Variants in BTBD9 observed in about 807,000 individuals in gnomAD.
BTBD9 encodes the protein BTB/POZ domain-containing protein 9.
Under a neutral mutation model 64.3 loss-of-function variants are expected in BTBD9, and 49 were observed. The ratio of observed to expected loss-of-function variants is 0.76; its 90% CI spans 0.61 to 0.97. BTBD9 has a LOEUF of 0.97. Ranked by LOEUF, BTBD9 falls within the 50% of genes least tolerant of loss-of-function variation. BTBD9 has a pLI of 0.00. For missense variants in BTBD9, 598 were observed against 762.1 expected (o/e 0.78, Z 2.53); for synonymous variants, 260 against 274.7 (o/e 0.95, Z 0.53).
At chr6:38,592,503 T>G in intron 4 of BTBD9, 73 bp downstream of exon 4, 2 of 1,528,528 alleles carry the variant, frequency 1.3e-6, no homozygotes, top group East Asian at 2.3e-5. Context: ...GGTTCTGTAG[T>G]AGCTTTGCGG....
intron 6 of BTBD9, among the ~76,000 whole-genome samples, chr6:38,502,522 A>C (rs796685025): frequency 3.3e-5 from 5 of 152,232 alleles, no homozygotes; most frequent in African/African-American, 1.2e-4. Flanking sequence ...CTAAGGGAAG[A>C]GGACTCTGAG....
At chr6:38,247,518 G>T (rs917809026) in intron 9 of BTBD9, among the ~76,000 whole-genome samples, 3 of 152,202 alleles carry the variant, frequency 2.0e-5, no homozygotes, top group Non-Finnish European at 4.4e-5. Flanking sequence ...CTCAGGGAAG[G>T]CACAGGGGAG....
At chr6:38,552,501 C>T (rs1367230379) in intron 6 of BTBD9, among the ~76,000 whole-genome samples, 1 of 152,012 alleles carries the variant, frequency 6.6e-6, no homozygotes, top group East Asian at 1.9e-4. Flanking sequence ...AAAAATGGGC[C>T]GGGCACAGTG....
rs186109937 is a variant in BTBD9, at chr6:38,311,053, T to C, written c.1265-22592A>G. On this transcript the variant is annotated intron_variant, in intron 7 of 10. Coordinates refer to ENST00000481247, the MANE Select transcript of BTBD9 (RefSeq NM_001099272.2). ...CTCGAACTGCTGACCTCAGGTGATC[T>C]GACTGCCTCGGCCTCCCAAAGTGCT... 6.9e-3 allele frequency among the ~76,000 whole-genome samples: 1,057 copies of C among 152,280 alleles called. 11 individuals are homozygous for C. Among genetic ancestry groups the C allele is most frequent in the African/African-American group, 0.025 (1,019 of 41,562 alleles).
intron 6 of BTBD9, among the ~76,000 whole-genome samples, chr6:38,394,837 A>G (rs1324278833): frequency 6.6e-6 from 1 of 152,220 alleles, no homozygotes; most frequent in East Asian, 1.9e-4. Flanking sequence ...GCCACCTTGA[A>G]AAATGAATCT....
chr6:38,570,219 T>C (rs1287055683), intron 6 of BTBD9, among the ~76,000 whole-genome samples: 7 of 152,142 alleles, frequency 4.6e-5, no homozygotes, highest in Non-Finnish European at 1.0e-4. Context: ...CAGCAGGTCC[T>C]CCCCTACAGG....
At chr6:38,566,616 G>A (rs1027312189) in intron 6 of BTBD9, among the ~76,000 whole-genome samples, 42 of 152,146 alleles carry the variant, frequency 2.8e-4, no homozygotes, top group Admixed American at 2.0e-3. Flanking sequence ...GTGTTTAATC[G>A]AAATATTCGT....
At chr6:38,376,169 T>C (rs943741786) in intron 6 of BTBD9, among the ~76,000 whole-genome samples, 14 of 152,232 alleles carry the variant, frequency 9.2e-5, no homozygotes, top group African/African-American at 3.4e-4. Flanking sequence ...AGACAGATGT[T>C]ATACAAAGTA....
Position 38,345,044 on chromosome 6 carries a change from T to C in BTBD9, c.1204A>G (p.Ile402Val). Reference sequence around the variant, plus strand: ...GTAAACATACATTCAAAAGCCACAATGTGAAAAATCTTGTTCACTGTGTTG... The same window carrying C: ...GTAAACATACATTCAAAAGCCACAACGTGAAAAATCTTGTTCACTGTGTTG... ...THNTVNKIFH[I>V]VAFECMFTNK... The change falls in exon 7 of 11, where the codon ATT (isoleucine) becomes GTT (valine). Residue 402 changes from isoleucine to valine, a missense_variant. Transcript: ENST00000481247. The C allele has an allele frequency of 2.5e-6, 4 of 1,609,786 alleles. No individual in the cohort carries two copies. The highest frequency in any genetic ancestry group is 3.4e-6 in the Non-Finnish European group (4 of 1,177,124).
intron 6 of BTBD9, among the ~76,000 whole-genome samples, chr6:38,350,944 G>A (rs1254720022): frequency 1.3e-5 from 2 of 152,196 alleles, no homozygotes; most frequent in African/African-American, 2.4e-5. Context: ...AATGCCTGTG[G>A]TTTTCCCCAG....
At chr6:38,192,655 G>T (rs1762127560) in intron 9 of BTBD9, 58 bp from the exon 10 acceptor site, 3 of 1,482,804 alleles carry the variant, frequency 2.0e-6, no homozygotes, top group Admixed American at 3.4e-5. Context: ...CTCTGGTAGT[G>T]TGGCCGATGG....
chr6:38,232,754 C>T (rs1763653864), intron 9 of BTBD9, among the ~76,000 whole-genome samples: 1 of 151,992 alleles, frequency 6.6e-6, no homozygotes, highest in Admixed American at 6.6e-5. Flanking sequence ...CCACCTCAGC[C>T]TCCCAAGTAG....
In BTBD9 at chr6:38,170,677, G is replaced by A. The variant is rs946066769; in HGVS notation, c.*4308C>T. Reference sequence around the variant, plus strand: ...TCTGGAAACTCTGAGCAAACACCAGGCACTAGGACAACTTCTAATTTAATA... The same window carrying A: ...TCTGGAAACTCTGAGCAAACACCAGACACTAGGACAACTTCTAATTTAATA... On this transcript the variant is annotated 3_prime_UTR_variant, in exon 11 of 11. Transcript: ENST00000481247. The A allele has an allele frequency of 6.6e-6, 1 of 152,198 alleles. No individual in the cohort carries two copies. Among genetic ancestry groups the A allele is most frequent in the Non-Finnish European group, 1.5e-5 (1 of 68,040 alleles). 9.4% of individuals were successfully genotyped at this position (152,198 alleles called of 1,614,324 possible).
chr6:38,210,547 T>C (rs1762798494), intron 9 of BTBD9, among the ~76,000 whole-genome samples: 2 of 114,192 alleles, frequency 1.8e-5, no homozygotes, highest in Non-Finnish European at 3.8e-5. Context: ...TGTGTGTGTG[T>C]GTGTGTGTGT....
chr6:38,318,478 T>G (rs1763108602), intron 7 of BTBD9, among the ~76,000 whole-genome samples: 1 of 152,182 alleles, frequency 6.6e-6, no homozygotes. Flanking sequence ...ATATCTACAC[T>G]AGGGACACCC....
intron 6 of BTBD9, among the ~76,000 whole-genome samples, chr6:38,431,216 A>C (rs1274417205): frequency 6.6e-6 from 1 of 151,870 alleles, no homozygotes; most frequent in Non-Finnish European, 1.5e-5. Context: ...TGAGTTCCAG[A>C]CTCATAAATC....
At chr6:38,494,133 G>A (rs1420602368) in intron 6 of BTBD9, among the ~76,000 whole-genome samples, 1 of 152,158 alleles carries the variant, frequency 6.6e-6, no homozygotes, top group African/African-American at 2.4e-5. Flanking sequence ...GTAGCACAGC[G>A]CCCTCCAGTG....
At chr6:38,432,372 G>A (rs1490725788) in intron 6 of BTBD9, among the ~76,000 whole-genome samples, 1 of 151,896 alleles carries the variant, frequency 6.6e-6, no homozygotes, top group Non-Finnish European at 1.5e-5. Context: ...CTGAGCGGGA[G>A]GAATTTGGAA....
intron 1 of BTBD9, among the ~76,000 whole-genome samples, chr6:38,620,680 C>T (rs1777952943): frequency 1.3e-5 from 2 of 152,198 alleles, no homozygotes; most frequent in African/African-American, 4.8e-5. Flanking sequence ...TAGACCTAAG[C>T]TTAGCCAGAG....
Sources: allele counts gnomAD v4.1 joint callset (sites outside exome capture counted in the v4.1 genomes callset), GRCh38; gene constraint gnomAD v4.1.1; transcripts MANE v1.5; gene names NCBI Gene and HGNC (gene_info 2026-07-23, HGNC 2026-07-21).